The following PLA2G7 variants were observed in gnomAD, a reference collection of about 807,000 sequenced individuals.
The protein encoded by PLA2G7 is platelet-activating factor acetylhydrolase.
A neutral mutation model predicts 49.6 loss-of-function variants in PLA2G7; 63 were observed. That is an observed-to-expected ratio of 1.27 (90% CI 1.04 to 1.57). The LOEUF (loss-of-function observed/expected upper bound fraction) is 1.57. Among genes scored for constraint, PLA2G7 ranks in the 40% most tolerant of loss-of-function variants. PLA2G7 has a pLI of 0.00. For missense variants in PLA2G7, 596 were observed against 521.2 expected (o/e 1.14, Z -1.40); for synonymous variants, 193 against 169.9 (o/e 1.14, Z -1.06).
intron 10 of PLA2G7, among the ~76,000 whole-genome samples, chr6:46,707,758 G>A (rs1358583082): frequency 1.3e-5 from 2 of 152,188 alleles, no homozygotes; most frequent in Middle Eastern, 3.4e-3. Context: ...TTTCCATATA[G>A]CAATGCAAGA....
rs1222542334 is a variant in PLA2G7, at chr6:46,704,709, A to C, written c.1190-13T>G. ...TCTTTATGAAGTCCTATAAAATATAAAGTGTTAATCAACATATTAAACTTT... is the reference window on the plus strand; with the variant it reads ...TCTTTATGAAGTCCTATAAAATATACAGTGTTAATCAACATATTAAACTTT... On this transcript the variant is annotated splice_polypyrimidine_tract_variant and intron_variant, in intron 11 of 11. Coordinates refer to ENST00000274793, the MANE Select transcript of PLA2G7 (RefSeq NM_005084.4). 6.7e-7 allele frequency: 1 copy of C among 1,498,272 alleles called. No individual in the cohort carries two copies. The highest frequency in any genetic ancestry group is 9.3e-7 in the Non-Finnish European group (1 of 1,079,100). 92.8% of individuals were successfully genotyped at this position (1,498,272 alleles called of 1,614,324 possible).
chr6:46,705,410 A>G lies in PLA2G7; in HGVS notation c.1041-109T>C, dbSNP rs1023105271. On this transcript the variant is annotated intron_variant, in intron 10 of 11. Transcript: ENST00000274793. The stretch of plus-strand genomic sequence containing the variant: ...CTTGTTGGTCTGTTTACTGAAAACC[A>G]AAGAAGAAATAAAACTTGTAATTTG... The G allele has an allele frequency of 1.7e-5, 15 of 865,586 alleles. No homozygotes were observed. The East Asian group carries it at 1.9e-4, about 11-fold the overall frequency. The allele number at this position is 865,586 out of a possible 1,614,324, so 53.6% of individuals were successfully genotyped here. A position where few individuals can be genotyped will look rare whatever the true frequency, so the allele number is the denominator to read the frequency against.
At chr6:46,712,081 T>C (rs1765048914) in intron 6 of PLA2G7, among the ~76,000 whole-genome samples, 188 bp downstream of exon 6, 2 of 152,212 alleles carry the variant, frequency 1.3e-5, no homozygotes, top group Non-Finnish European at 2.9e-5. Context: ...ATAAACACTC[T>C]AGAAATGTTA....
intron 5 of PLA2G7, among the ~76,000 whole-genome samples, chr6:46,712,568 A>G (rs945949480): frequency 6.6e-6 from 1 of 152,140 alleles, no homozygotes; most frequent in Admixed American, 6.5e-5. Flanking sequence ...TCTGGTGTCT[A>G]GTGGGTAAAG....
intron 1 of PLA2G7, among the ~76,000 whole-genome samples, chr6:46,732,649 T>C (rs1765769436): frequency 6.6e-6 from 1 of 152,192 alleles, no homozygotes; most frequent in Non-Finnish European, 1.5e-5. Context: ...ACTCTTACAA[T>C]AGACTTTTTA....
At chr6:46,733,676 A>G (rs1765803271) in intron 1 of PLA2G7, among the ~76,000 whole-genome samples, 1 of 152,184 alleles carries the variant, frequency 6.6e-6, no homozygotes, top group Admixed American at 6.5e-5. Context: ...GGGCCAGCAG[A>G]ATTCCTCTGT....
Position 46,722,916 on chromosome 6 carries a change from G to A in PLA2G7, c.-25C>T, listed in dbSNP as rs775189425. 3 of 1,335,632 alleles carry A rather than the reference G, an allele frequency of 2.2e-6. No homozygotes were observed. The highest frequency in any genetic ancestry group is 3.2e-6 in the Non-Finnish European group (3 of 927,184). The allele number at this position is 1,335,632 out of a possible 1,614,324, so 82.7% of individuals were successfully genotyped here. Reference sequence around the variant, plus strand: ...TCTTGGGAGCTGAGCAGCAGTTTCAGCTTAGTCTCCTTCGAAGCAGATGAT... The same window carrying A: ...TCTTGGGAGCTGAGCAGCAGTTTCAACTTAGTCTCCTTCGAAGCAGATGAT... On this transcript the variant is annotated 5_prime_UTR_variant, in exon 2 of 12. Transcript: ENST00000274793.
chr6:46,716,379 C>G lies in PLA2G7; in HGVS notation c.376+5G>C, dbSNP rs767216223. On this transcript the variant is annotated splice_donor_5th_base_variant and intron_variant, in intron 4 of 11. Transcript: ENST00000274793. ...CCTACAAAGAAGGATCAACAGAAAT[C>G]TTACCAAAGAGTAACCTCAAAATGT... 7.4e-6 allele frequency: 12 copies of G among 1,613,888 alleles called. No individual in the cohort carries two copies. The African/African-American group carries it at 1.5e-4, about 20-fold the overall frequency.
intron 4 of PLA2G7, 64 bp from the exon 5 acceptor site, chr6:46,714,617 T>C: frequency 1.1e-6 from 1 of 938,164 alleles, no homozygotes; most frequent in Non-Finnish European, 1.8e-6. Flanking sequence ...ATTTAATTCA[T>C]ATCTCATTAG....
chr6:46,716,644 T>G, intron 3 of PLA2G7, 116 bp from the exon 4 acceptor site: 1 of 1,027,950 alleles, frequency 9.7e-7, no homozygotes, highest in Non-Finnish European at 1.4e-6. Flanking sequence ...CACAAAAAGG[T>G]CTAAAGAACT....
chr6:46,733,182 G>A (rs1243872858), intron 1 of PLA2G7, among the ~76,000 whole-genome samples: 3 of 152,314 alleles, frequency 2.0e-5, no homozygotes, highest in Non-Finnish European at 4.4e-5. Flanking sequence ...GCTTCAAAGA[G>A]TGTGGTAAGT....
intron 4 of PLA2G7, among the ~76,000 whole-genome samples, chr6:46,715,467 A>G (rs750631995): frequency 3.3e-5 from 5 of 152,210 alleles, no homozygotes; most frequent in Non-Finnish European, 4.4e-5. Flanking sequence ...TTAATTAGGT[A>G]ATATATGTAA....
At chr6:46,707,877 GA>G in intron 10 of PLA2G7, 113 bp downstream of exon 10, 1 of 668,146 alleles carries the variant, frequency 1.5e-6, no homozygotes, top group South Asian at 1.8e-5. Context: ...TCTCCTTATT[GA>G]AAGTCTAAAC....
intron 7 of PLA2G7, 62 bp from the exon 8 acceptor site, chr6:46,710,720 T>G (rs1242555582): frequency 7.7e-7 from 1 of 1,298,088 alleles, no homozygotes; most frequent in Non-Finnish European, 1.1e-6. Context: ...TATTTTAAAG[T>G]TTAGGTAGAA....
At chr6:46,734,996 T>C (rs533856208) in intron 1 of PLA2G7, among the ~76,000 whole-genome samples, 184 bp downstream of exon 1, 1 of 152,178 alleles carries the variant, frequency 6.6e-6, no homozygotes, top group African/African-American at 2.4e-5. Flanking sequence ...CCTCTCCCTC[T>C]CCCCGCAAGG....
chr6:46,705,943 C>G (rs1003474695), intron 10 of PLA2G7, among the ~76,000 whole-genome samples: 3 of 152,088 alleles, frequency 2.0e-5, no homozygotes, highest in Non-Finnish European at 2.9e-5. Context: ...TAACATTGCA[C>G]CTTCCCTTCT....
intron 5 of PLA2G7, 68 bp downstream of exon 5, chr6:46,714,392 T>C: frequency 1.0e-6 from 1 of 957,102 alleles, no homozygotes; most frequent in Non-Finnish European, 1.7e-6. Flanking sequence ...CTCTGCTATT[T>C]CTTTCTTGAA....
chr6:46,725,100 G>T (rs1256164132), intron 1 of PLA2G7, among the ~76,000 whole-genome samples: 1 of 152,174 alleles, frequency 6.6e-6, no homozygotes, highest in East Asian at 1.9e-4. Context: ...AGATGATATG[G>T]TACAAGTTCT....
At chr6:46,709,292 T>G (rs201899611) in intron 9 of PLA2G7, 35 bp downstream of exon 9, 16 of 1,131,018 alleles carry the variant, frequency 1.4e-5, no homozygotes, top group Middle Eastern at 1.9e-4. Context: ...TCCAATAATT[T>G]ACTATTCTCT....
Sources: allele counts gnomAD v4.1 joint callset (sites outside exome capture counted in the v4.1 genomes callset), GRCh38; gene constraint gnomAD v4.1.1; transcripts MANE v1.5; gene names NCBI Gene and HGNC (gene_info 2026-07-23, HGNC 2026-07-21).